Variants in TRHDE observed in about 807,000 individuals in gnomAD.
TRHDE encodes the protein thyrotropin releasing hormone degrading enzyme, also known as thyrotropin-releasing hormone-degrading ectoenzyme.
Under a neutral mutation model 125.7 loss-of-function variants are expected in TRHDE, and 72 were observed. The observed-to-expected ratio is 0.57, with a 90% CI of 0.47 to 0.70. The LOEUF is 0.70. TRHDE is among the 30% of genes least tolerant of loss of function. The pLI is 0.00. For synonymous variants in TRHDE, 509 were observed against 509.1 expected (o/e 1.00, Z 0.00); for missense variants, 1,110 against 1,327.1 (o/e 0.84, Z 2.54).
intron 2 of TRHDE, among the ~76,000 whole-genome samples, chr12:72,338,248 C>G (rs1869919663): frequency 6.6e-6 from 1 of 152,152 alleles, no homozygotes; most frequent in African/African-American, 2.4e-5. Context: ...GGCAAAAATC[C>G]TGTTGTTTTC....
intron 1 of TRHDE, among the ~76,000 whole-genome samples, chr12:72,096,883 G>C (rs1478530658): frequency 2.0e-5 from 3 of 152,166 alleles, no homozygotes; most frequent in Non-Finnish European, 2.9e-5. Context: ...GTTGCCATTA[G>C]CATTGGCAAA....
In TRHDE at chr12:72,233,549, A is replaced by G. The variant is rs141504252; in HGVS notation, n.279+127797A>G. On this transcript the variant is annotated intron_variant and non_coding_transcript_variant, in intron 2 of 4. Coordinates refer to the TRHDE transcript ENST00000548156. Reference sequence around the variant, plus strand: ...ATAATAAGAAGCAAATTTGTTTTCTAAGTTAAATGCAATTCATAAAAGAAA... The same window carrying G: ...ATAATAAGAAGCAAATTTGTTTTCTGAGTTAAATGCAATTCATAAAAGAAA... 1.7e-4 allele frequency among the ~76,000 whole-genome samples: 26 copies of G among 152,292 alleles called. No homozygotes were observed. The East Asian group carries it at 4.2e-3, about 25-fold the overall frequency.
At position 72,208,891 on chromosome 12, in the gene TRHDE, A is replaced by T. The variant is rs542870485; in HGVS notation, n.279+103139A>T. On this transcript the variant is annotated intron_variant and non_coding_transcript_variant, in intron 2 of 4. Coordinates refer to the TRHDE transcript ENST00000548156. ...ACAGTTGTGTTCAGCAGGTTGTTAA[A>T]ACATCCCACTCTTCTTAGAGTCTGA... Among the ~76,000 whole-genome samples the T allele has an allele frequency of 7.9e-5, 12 of 152,238 alleles. No homozygotes were observed. In the East Asian group the frequency reaches 2.3e-3, roughly 29 times the overall value.
At chr12:72,443,587 GA>G (rs1286632718) in intron 3 of TRHDE, among the ~76,000 whole-genome samples, 1 of 151,734 alleles carries the variant, frequency 6.6e-6, no homozygotes, top group South Asian at 2.1e-4. Flanking sequence ...TGTATTGTGA[GA>G]AAAAATGGAG....
At chr12:72,452,259 T>C (rs1252549819) in intron 3 of TRHDE, among the ~76,000 whole-genome samples, 3 of 152,150 alleles carry the variant, frequency 2.0e-5, no homozygotes, top group Non-Finnish European at 2.9e-5. Flanking sequence ...TGTTAGTATA[T>C]AGAAACACTA....
At chr12:72,345,282 T>C (rs1335119647) in intron 2 of TRHDE, among the ~76,000 whole-genome samples, 1 of 152,084 alleles carries the variant, frequency 6.6e-6, no homozygotes, top group Non-Finnish European at 1.5e-5. Flanking sequence ...AAAAAATAAA[T>C]CCAGCCCTGA....
intron 1 of TRHDE, among the ~76,000 whole-genome samples, chr12:72,099,971 G>C (rs1406288139): frequency 6.6e-6 from 1 of 152,122 alleles, no homozygotes; most frequent in Non-Finnish European, 1.5e-5. Context: ...GATTTCTGTA[G>C]GTAGTAAAGA....
chr12:72,224,326 AC>A (rs1565666837), intron 2 of TRHDE, among the ~76,000 whole-genome samples: 2 of 151,936 alleles, frequency 1.3e-5, no homozygotes, highest in Admixed American at 1.3e-4. Context: ...AAATCTCTGG[AC>A]CTTTGCAGGT....
intron 3 of TRHDE, among the ~76,000 whole-genome samples, chr12:72,397,908 A>G (rs993897214): frequency 6.6e-6 from 1 of 151,860 alleles, no homozygotes; most frequent in Middle Eastern, 3.4e-3. Context: ...ATGTATACAT[A>G]TGCCATGCTG....
At chr12:72,284,634 T>G (rs1240185533) in intron 1 of TRHDE, among the ~76,000 whole-genome samples, 2 of 152,212 alleles carry the variant, frequency 1.3e-5, no homozygotes, top group Non-Finnish European at 2.9e-5. Context: ...GTTTATAAAT[T>G]ATGGCTAAAA....
intron 2 of TRHDE, among the ~76,000 whole-genome samples, chr12:72,357,191 A>G (rs1459823790): frequency 6.6e-6 from 1 of 151,602 alleles, no homozygotes; most frequent in South Asian, 2.1e-4. Context: ...TTATTTTAAA[A>G]TTCATTTGGA....
At chr12:72,491,141 A>G (rs1358758994) in intron 5 of TRHDE, among the ~76,000 whole-genome samples, 1 of 151,972 alleles carries the variant, frequency 6.6e-6, no homozygotes, top group Non-Finnish European at 1.5e-5. Flanking sequence ...AATACAATCA[A>G]TTCATAGTTT....
At chr12:72,296,945 T>G (rs1880323355) in intron 2 of TRHDE, among the ~76,000 whole-genome samples, 1 of 152,030 alleles carries the variant, frequency 6.6e-6, no homozygotes, top group Non-Finnish European at 1.5e-5. Context: ...AGCTTTAGAT[T>G]ATGGGAGAGC....
chr12:72,099,724 A>T, intron 1 of TRHDE, among the ~76,000 whole-genome samples: 1 of 152,240 alleles, frequency 6.6e-6, no homozygotes, highest in Non-Finnish European at 1.5e-5. Flanking sequence ...CTAGTGAAAC[A>T]AATGTTTCAG....
At chr12:72,537,670 C>T (rs775041930) in intron 6 of TRHDE, among the ~76,000 whole-genome samples, 10 of 152,032 alleles carry the variant, frequency 6.6e-5, no homozygotes, top group East Asian at 3.9e-4. Context: ...CTCCTAATTA[C>T]GTTTTCAATG....
chr12:72,407,420 T>C (rs912062944), intron 3 of TRHDE, among the ~76,000 whole-genome samples: 1 of 152,150 alleles, frequency 6.6e-6, no homozygotes, highest in Non-Finnish European at 1.5e-5. Flanking sequence ...ACGTGGAGCA[T>C]TTTCCATTAG....
chr12:72,604,975 A>G (rs1872372263), intron 12 of TRHDE, among the ~76,000 whole-genome samples: 1 of 152,104 alleles, frequency 6.6e-6, no homozygotes, highest in South Asian at 2.1e-4. Flanking sequence ...ACCATTAAAG[A>G]AAATCAAGGG....
chr12:72,401,836 G>A (rs1873055022), intron 3 of TRHDE, among the ~76,000 whole-genome samples: 1 of 152,126 alleles, frequency 6.6e-6, no homozygotes, highest in Admixed American at 6.6e-5. Flanking sequence ...AAGCTATTAG[G>A]TGGAATTGAT....
At chr12:72,462,553 A>G (rs1876174460) in intron 3 of TRHDE, among the ~76,000 whole-genome samples, 1 of 152,136 alleles carries the variant, frequency 6.6e-6, no homozygotes, top group South Asian at 2.1e-4. Context: ...ATCAAAGGTA[A>G]CTATTCATTT....
Sources: gnomAD v4.1 joint callset for allele counts (sites outside exome capture counted in the v4.1 genomes callset) on GRCh38, gnomAD v4.1.1 for gene constraint, MANE v1.5 for transcripts, NCBI Gene and HGNC (gene_info 2026-07-23, HGNC 2026-07-21) for gene names.